The following AGO2 variants were observed in gnomAD, a reference collection of about 807,000 sequenced individuals.
The protein encoded by AGO2 is protein argonaute-2.
A neutral mutation model predicts 102.3 loss-of-function variants in AGO2; 5 were observed. The observed-to-expected ratio is 0.05, with a 90% CI of 0.03 to 0.10. The LOEUF is 0.10. AGO2 is among the 10% of genes least tolerant of loss of function. AGO2 has a pLI of 1.00. For synonymous variants in AGO2, 449 were observed against 473.1 expected, an observed-to-expected ratio of 0.95 and a Z score of 0.66; for missense variants, 541 against 1,183.7, an observed-to-expected ratio of 0.46 and a Z score of 7.97.
At chr8:140,537,107 C>T (rs1212860848) in intron 16 of AGO2, among the ~76,000 whole-genome samples, 1 of 152,182 alleles carries the variant, frequency 6.6e-6, no homozygotes, top group African/African-American at 2.4e-5. Context: ...AACATTCTTC[C>T]ACTTCGTTTC....
At chr8:140,607,915 G>A (rs143631709) in intron 1 of AGO2, among the ~76,000 whole-genome samples, 1 of 152,066 alleles carries the variant, frequency 6.6e-6, no homozygotes, top group Non-Finnish European at 1.5e-5. Context: ...ACTTTAAACC[G>A]GTCCGTTTTG....
chr8:140,538,689 G>A (rs529077418), intron 16 of AGO2, among the ~76,000 whole-genome samples: 17 of 152,338 alleles, frequency 1.1e-4, no homozygotes, highest in African/African-American at 4.8e-5. Context: ...TCTTACGACT[G>A]CACAGCTCCA....
chr8:140,577,251 C>T (rs2073481609), intron 2 of AGO2, among the ~76,000 whole-genome samples: 1 of 149,538 alleles, frequency 6.7e-6, no homozygotes, highest in African/African-American at 2.5e-5. Flanking sequence ...GGGAACGAAG[C>T]CAGCCACCAG....
chr8:140,634,297 G>C (rs1440685573), intron 1 of AGO2, among the ~76,000 whole-genome samples: 5 of 152,280 alleles, frequency 3.3e-5, no homozygotes, highest in African/African-American at 1.2e-4. Context: ...ACCAAGGTGG[G>C]CCAGGGGGCC....
At chr8:140,576,246 A>C (rs1475153160) in intron 2 of AGO2, among the ~76,000 whole-genome samples, 1 of 152,172 alleles carries the variant, frequency 6.6e-6, no homozygotes, top group African/African-American at 2.4e-5. Context: ...CCCAGGAGGC[A>C]GAGGTTGCAG....
chr8:140,580,976 T>A (rs2073548171), intron 2 of AGO2, among the ~76,000 whole-genome samples: 1 of 152,258 alleles, frequency 6.6e-6, no homozygotes. Context: ...AGACATCACG[T>A]TCTCATCACC....
At chr8:140,592,735 ATCC>A (rs1487645652) in intron 1 of AGO2, 1 of 152,258 alleles carries the variant, frequency 6.6e-6, no homozygotes, top group African/African-American at 2.4e-5. Flanking sequence ...GCCTCAAGTG[ATCC>A]TCCTGCCTTG....
intron 1 of AGO2, among the ~76,000 whole-genome samples, chr8:140,609,197 G>A (rs1202853990): frequency 6.6e-6 from 1 of 152,260 alleles, no homozygotes; most frequent in Non-Finnish European, 1.5e-5. Flanking sequence ...AGCGGCTGCA[G>A]AGAGGACTGC....
chr8:140,535,694 C>G, intron 16 of AGO2, 125 bp from the exon 17 acceptor site: 1 of 787,564 alleles, frequency 1.3e-6, no homozygotes, highest in Non-Finnish European at 2.2e-6. Context: ...TTGGCTAATA[C>G]AGGTCCTCGG....
Position 140,619,046 on chromosome 8 carries a change from C to T in AGO2, c.22+16439G>A, listed in dbSNP as rs147806482. ...GCATGATGGGGAGGGGTCAGGGCGG[C>T]TCCTCCGAGAGCAGCTGCTGGCTCC... On this transcript the variant is annotated intron_variant, in intron 1 of 18. Coordinates refer to ENST00000220592, the MANE Select transcript of AGO2 (RefSeq NM_012154.5). Among the ~76,000 whole-genome samples the T allele has an allele frequency of 5.7e-3, 869 of 151,910 alleles. 7 individuals carry two copies. Among genetic ancestry groups the T allele is most frequent in the Non-Finnish European group, 7.8e-3 (530 of 67,932 alleles).
At position 140,570,035 on chromosome 8, in the gene AGO2, G is replaced by A. The variant is rs141732636; in HGVS notation, c.336+2777C>T. 8.3e-4 allele frequency among the ~76,000 whole-genome samples: 127 copies of A among 152,366 alleles called. 1 individual carries two copies. In the East Asian group the frequency reaches 0.021, roughly 25 times the overall value. ...CAAAGACGACACTGGGACACGATGC[G>A]AGAAGATGGACATGGGACACCGCCT... On this transcript the variant is annotated intron_variant, in intron 3 of 18. Transcript: ENST00000220592.
chr8:140,544,538 A>T (rs1388447522), intron 13 of AGO2, among the ~76,000 whole-genome samples: 2 of 151,674 alleles, frequency 1.3e-5, no homozygotes, highest in Non-Finnish European at 2.9e-5. Context: ...ACTCCAGACC[A>T]GATGGGCCAG....
In AGO2 at chr8:140,635,489, G is replaced by A; in HGVS notation, c.18C>T (p.Gly6=). The A allele has an allele frequency of 5.1e-6, 5 of 980,466 alleles. No individual in the cohort carries two copies. Among genetic ancestry groups the A allele is most frequent in the Non-Finnish European group, 6.0e-6 (5 of 827,942 alleles). The allele number at this position is 980,466 out of a possible 1,614,324, so 60.7% of individuals were successfully genotyped here. A position where few individuals can be genotyped will look rare whatever the true frequency, so the allele number is the denominator to read the frequency against. Residue 6 remains glycine, a synonymous_variant, in exon 1 of 19, where the codon GGC becomes GGT. Transcript: ENST00000220592. ...GCCCCGAGCGCCAGGACTCACCGGGGCCGGCTCCCGAGTACATGGTGGCGC... is the reference window on the plus strand; with the variant it reads ...GCCCCGAGCGCCAGGACTCACCGGGACCGGCTCCCGAGTACATGGTGGCGC... MYSGA[G]PALAPPAPPP...
At chr8:140,627,903 C>A (rs2074296135) in intron 1 of AGO2, among the ~76,000 whole-genome samples, 2 of 152,262 alleles carry the variant, frequency 1.3e-5, no homozygotes, top group South Asian at 2.1e-4. Context: ...ATGCACCCCC[C>A]AGGGCTGCTG....
At chr8:140,568,260 G>A (rs2073322410) in intron 3 of AGO2, among the ~76,000 whole-genome samples, 1 of 145,556 alleles carries the variant, frequency 6.9e-6, no homozygotes, top group African/African-American at 2.6e-5. Flanking sequence ...CTCTAGCCTG[G>A]GTGACAGAGC....
At chr8:140,587,656 T>A (rs2073679136) in intron 1 of AGO2, among the ~76,000 whole-genome samples, 1 of 152,234 alleles carries the variant, frequency 6.6e-6, no homozygotes, top group Admixed American at 6.5e-5. Flanking sequence ...CCCTGGGCTG[T>A]GAGCCCCTGG....
intron 11 of AGO2, among the ~76,000 whole-genome samples, chr8:140,549,630 C>T (rs11166984): frequency 0.32 from 48,087 of 152,246 alleles, 8,804 homozygotes; most frequent in East Asian, 0.6. Flanking sequence ...GGCAGTGATG[C>T]GATGCTGTCC....
intron 2 of AGO2, among the ~76,000 whole-genome samples, chr8:140,578,150 G>C (rs2073496131): frequency 6.6e-6 from 1 of 152,232 alleles, no homozygotes; most frequent in South Asian, 2.1e-4. Context: ...GGCCGATCTT[G>C]TGTAAAGCAG....
intron 3 of AGO2, among the ~76,000 whole-genome samples, chr8:140,570,006 A>T (rs2073353040): frequency 6.6e-6 from 1 of 152,176 alleles, no homozygotes; most frequent in Admixed American, 6.5e-5. Context: ...AAAAAGACAA[A>T]ACCCAAAGAC....
Sources: allele counts gnomAD v4.1 joint callset (sites outside exome capture counted in the v4.1 genomes callset), GRCh38; gene constraint gnomAD v4.1.1; transcripts MANE v1.5; gene names NCBI Gene and HGNC (gene_info 2026-07-23, HGNC 2026-07-21).